Variants in PACRG observed in about 807,000 individuals in gnomAD.
PACRG encodes the protein parkin coregulated.
In PACRG, 29 loss-of-function variants were observed where a neutral mutation model predicts 29.7. The observed-to-expected ratio is 0.98, with a 90% confidence interval of 0.73 to 1.33. PACRG has a LOEUF of 1.33. Among genes scored for constraint, PACRG ranks in the 40% most tolerant of loss-of-function variants. The pLI is 0.00. For synonymous variants in PACRG, 116 were observed against 118.7 expected (o/e 0.98, Z 0.15); for missense variants, 279 against 316.2 (o/e 0.88, Z 0.89).
chr6:162,827,908 C>T (rs559667616), intron 2 of PACRG, among the ~76,000 whole-genome samples: 5 of 152,184 alleles, frequency 3.3e-5, no homozygotes, highest in Non-Finnish European at 5.9e-5. Context: ...GGGAAACCAG[C>T]ATATGCTATT....
intron 2 of PACRG, among the ~76,000 whole-genome samples, chr6:163,056,144 C>T (rs1222214746): frequency 6.6e-6 from 1 of 152,096 alleles, no homozygotes; most frequent in African/African-American, 2.4e-5. Context: ...TGACTGGAGC[C>T]CTCATACATG....
At chr6:163,033,767 G>A (rs1419475890) in intron 2 of PACRG, among the ~76,000 whole-genome samples, 1 of 152,192 alleles carries the variant, frequency 6.6e-6, no homozygotes, top group Non-Finnish European at 1.5e-5. Context: ...ATGGTTACAA[G>A]GTCAAGCCCC....
intron 2 of PACRG, among the ~76,000 whole-genome samples, chr6:162,936,116 G>A (rs1042009337): frequency 1.1e-4 from 17 of 151,056 alleles, no homozygotes; most frequent in African/African-American, 3.9e-4. Flanking sequence ...GAGAATGAGA[G>A]TCAAGCTAAA....
intron 2 of PACRG, among the ~76,000 whole-genome samples, chr6:162,942,002 A>G (rs774863896): frequency 2.6e-4 from 39 of 152,198 alleles, no homozygotes; most frequent in Non-Finnish European, 4.3e-4. Context: ...CCAAGCTGCT[A>G]TTCTTTTCCA....
intron 2 of PACRG, among the ~76,000 whole-genome samples, chr6:162,854,679 A>T (rs576418979): frequency 2.0e-5 from 3 of 152,322 alleles, no homozygotes; most frequent in South Asian, 4.1e-4. Flanking sequence ...TGAGAGTATG[A>T]CTAAAAAGGC....
chr6:162,859,142 A>G (rs1201607652), intron 2 of PACRG, among the ~76,000 whole-genome samples: 2 of 151,968 alleles, frequency 1.3e-5, no homozygotes, highest in Admixed American at 6.6e-5. Context: ...TTTTCAGTAG[A>G]TGATTGAAGC....
At chr6:162,931,124 T>C (rs1011643645) in intron 2 of PACRG, among the ~76,000 whole-genome samples, 2 of 151,756 alleles carry the variant, frequency 1.3e-5, no homozygotes, top group Admixed American at 6.6e-5. Flanking sequence ...TACAAAAAAT[T>C]TTTGAAGAGT....
upstream of PACRG, chr6:162,727,629 C>T (rs1779346289): frequency 2.5e-6 from 4 of 1,579,108 alleles, no homozygotes; most frequent in Non-Finnish European, 3.4e-6. Flanking sequence ...TGGGGCGGCG[C>T]AGAGAGGCTG....
At chr6:162,773,443 C>A (rs948622797) in intron 1 of PACRG, among the ~76,000 whole-genome samples, 1 of 141,360 alleles carries the variant, frequency 7.1e-6, no homozygotes, top group Non-Finnish European at 1.5e-5. Flanking sequence ...TTAGTATTTA[C>A]ATCATGGAAG....
In PACRG at chr6:163,105,580, C is replaced by G. The variant is rs150803433; in HGVS notation, c.613+16172C>G. ...AAAAAGTGGCTATCGATATAGTTAA[C>G]TAATCTATAATAAGCTATGTTCAGT... On this transcript the variant is annotated intron_variant, in intron 4 of 4. Coordinates refer to ENST00000366888, the MANE Select transcript of PACRG (RefSeq NM_001080379.2). 9.8e-3 allele frequency among the ~76,000 whole-genome samples: 1,498 copies of G among 152,160 alleles called. 12 individuals are homozygous for G. The highest frequency in any genetic ancestry group is 0.015 in the Non-Finnish European group (1,011 of 67,984).
At chr6:162,727,310 G>C, upstream of PACRG, 1 of 370,062 alleles carries the variant, frequency 2.7e-6, no homozygotes, top group South Asian at 3.7e-5. Context: ...GCGGCGGCGG[G>C]GCGAAGGTGA....
chr6:163,216,333 A>G (rs1781363203), intron 4 of PACRG, among the ~76,000 whole-genome samples: 1 of 152,178 alleles, frequency 6.6e-6, no homozygotes, highest in Non-Finnish European at 1.5e-5. Context: ...CTTGCACATC[A>G]CCAAGGAAAC....
chr6:163,292,000 G>A (rs1313683897), intron 4 of PACRG, among the ~76,000 whole-genome samples: 1 of 152,186 alleles, frequency 6.6e-6, no homozygotes, highest in Non-Finnish European at 1.5e-5. Flanking sequence ...CATTTCTGAA[G>A]GTTTTCCCCA....
intron 4 of PACRG, among the ~76,000 whole-genome samples, chr6:163,298,290 T>C (rs548819134): frequency 2.7e-5 from 4 of 149,014 alleles, no homozygotes; most frequent in African/African-American, 9.8e-5. Context: ...AAATAATACA[T>C]GGGAAAAGGT....
At chr6:163,197,446 T>TCTTTTCTTTTC (rs1562959303) in intron 4 of PACRG, among the ~76,000 whole-genome samples, 1 of 141,446 alleles carries the variant, frequency 7.1e-6, no homozygotes, top group African/African-American at 2.6e-5. Flanking sequence ...TTTTTTTTTT[T>TCTTTTCTTTTC]TTTTTTTTTT....
chr6:163,247,511 T>C (rs1261909968), intron 4 of PACRG, among the ~76,000 whole-genome samples: 1 of 152,172 alleles, frequency 6.6e-6, no homozygotes, highest in Non-Finnish European at 1.5e-5. Context: ...CACATATAGA[T>C]TGTGAAGTTC....
rs551105885 is a variant in PACRG, at chr6:162,779,910, A to G, written c.157-34237A>G. 5.3e-5 allele frequency among the ~76,000 whole-genome samples: 8 copies of G among 152,306 alleles called. No individual in the cohort carries two copies. In the South Asian group the frequency reaches 1.7e-3, roughly 32 times the overall value. On this transcript the variant is annotated intron_variant, in intron 1 of 4. Transcript: ENST00000366888. Reference sequence around the variant, plus strand: ...GGGAAACAGATGAGGTGAGACCTACAATTGCCTCAACTTACTGCCTGGGAA... The same window carrying G: ...GGGAAACAGATGAGGTGAGACCTACGATTGCCTCAACTTACTGCCTGGGAA...
intron 3 of PACRG, among the ~76,000 whole-genome samples, chr6:163,073,114 A>G (rs886754487): frequency 6.6e-6 from 1 of 152,224 alleles, no homozygotes; most frequent in African/African-American, 2.4e-5. Flanking sequence ...TTTAAATTTT[A>G]TATGAAACCG....
At chr6:163,079,890 C>CTTTTTTTTTTTTTTTT (rs67162530) in intron 3 of PACRG, among the ~76,000 whole-genome samples, 1 of 78,678 alleles carries the variant, frequency 1.3e-5, no homozygotes, top group African/African-American at 5.4e-5. Flanking sequence ...AGCAGTCATT[C>CTTTTTTTTTTTTTTTT]TTTTTTTTTT....
Sources: gnomAD v4.1 joint callset for allele counts (sites outside exome capture counted in the v4.1 genomes callset) on GRCh38, gnomAD v4.1.1 for gene constraint, MANE v1.5 for transcripts, NCBI Gene and HGNC (gene_info 2026-07-23, HGNC 2026-07-21) for gene names.